Variants in GALNT14 observed in about 807,000 individuals in gnomAD.
The protein encoded by GALNT14 is polypeptide N-acetylgalactosaminyltransferase 14, also known as UDP-GalNAc:polypeptide N-acetylgalactosaminyltransferase 14.
In GALNT14, 60 loss-of-function variants were observed where a neutral mutation model predicts 77.5. The observed-to-expected ratio is 0.77, with a 90% CI of 0.63 to 0.96. The LOEUF (loss-of-function observed/expected upper bound fraction) is 0.96, where lower values mean the gene tolerates loss of function less well. Among genes scored for constraint, GALNT14 ranks in the 40% least tolerant of loss-of-function variants. The pLI is 0.00. For synonymous variants in GALNT14, 280 were observed against 281.7 expected (o/e 0.99, Z 0.06); for missense variants, 710 against 731.0 (o/e 0.97, Z 0.33).
chr2:31,101,322 T>A (rs1677263612), intron 1 of GALNT14, among the ~76,000 whole-genome samples: 1 of 152,122 alleles, frequency 6.6e-6, no homozygotes, highest in African/African-American at 2.4e-5. Flanking sequence ...ATCTTTGAAT[T>A]GATATTCATA....
At chr2:31,065,629 T>A (rs145469367) in intron 1 of GALNT14, among the ~76,000 whole-genome samples, 2 of 152,230 alleles carry the variant, frequency 1.3e-5, no homozygotes, top group Admixed American at 6.5e-5. Flanking sequence ...TCCTGCCTGG[T>A]CAACTTGATG....
intron 1 of GALNT14, among the ~76,000 whole-genome samples, chr2:31,010,580 A>G (rs1670967384): frequency 1.3e-5 from 2 of 152,118 alleles, no homozygotes; most frequent in African/African-American, 4.8e-5. Context: ...GCGCCACTGC[A>G]CTCCAGCCTG....
Position 30,945,785 on chromosome 2 carries a change from C to T in GALNT14, c.740G>A (p.Gly247Glu). The change falls in exon 7 of 15, where the codon GGG becomes GAG. Residue 247 changes from glycine (G) to glutamate (E), a missense_variant and splice_region_variant. Physicochemically the swap from Gly to Glu is moderately conservative, Grantham distance 98. Transcript: ENST00000349752. ...TYIESASELR[G>E]GFDWSLHFQW... Reference sequence around the variant, plus strand: ...GAGGAGGTGTTAGCCCAACTCACCCCCTCTGAGCTCCGAGGCAGACTCGAT... The same window carrying T: ...GAGGAGGTGTTAGCCCAACTCACCCTCTCTGAGCTCCGAGGCAGACTCGAT... 5 of 1,613,842 alleles carry T rather than the reference C, an allele frequency of 3.1e-6. No homozygotes were observed. The highest frequency in any genetic ancestry group is 4.2e-6 in the Non-Finnish European group (5 of 1,179,738).
intron 1 of GALNT14, among the ~76,000 whole-genome samples, chr2:30,993,346 C>T (rs1002163976): frequency 6.6e-6 from 1 of 152,132 alleles, no homozygotes; most frequent in South Asian, 2.1e-4. Flanking sequence ...GAGGTAAGTA[C>T]CTTGCCCAAG....
intron 1 of GALNT14, among the ~76,000 whole-genome samples, chr2:31,072,581 G>C (rs567144295): frequency 6.6e-6 from 1 of 152,014 alleles, no homozygotes; most frequent in South Asian, 2.1e-4. Context: ...TTACAACCTG[G>C]AACTCCTGCA....
chr2:31,114,670 A>G (rs1678010802), intron 1 of GALNT14: 2 of 683,916 alleles, frequency 2.9e-6, no homozygotes, highest in Non-Finnish European at 5.4e-6. Context: ...GTGAATAACA[A>G]TAATCCCAGA....
chr2:30,894,994 G>C, the GALNT14 span, among the ~76,000 whole-genome samples: 1 of 152,226 alleles, frequency 6.6e-6, no homozygotes. Context: ...CTGGGTCTGA[G>C]AGTTTTTCAT....
At chr2:31,029,696 A>G (rs188619195) in intron 1 of GALNT14, among the ~76,000 whole-genome samples, 55 of 152,272 alleles carry the variant, frequency 3.6e-4, no homozygotes, top group African/African-American at 1.3e-3. Flanking sequence ...ACAACACTCT[A>G]CATCCCAGAG....
intron 3 of GALNT14, among the ~76,000 whole-genome samples, chr2:30,965,346 G>A (rs532731362): frequency 5.9e-5 from 9 of 152,112 alleles, no homozygotes; most frequent in East Asian, 3.9e-4. Flanking sequence ...GAATATGTGC[G>A]CAGAGGAGCT....
At chr2:30,888,539 A>T in the GALNT14 span, among the ~76,000 whole-genome samples, 1 of 152,216 alleles carries the variant, frequency 6.6e-6, no homozygotes, top group African/African-American at 2.4e-5. Flanking sequence ...CTTATTAATA[A>T]TGTCTACAAA....
At chr2:30,978,257 G>A (rs76737371) in intron 2 of GALNT14, among the ~76,000 whole-genome samples, 3,477 of 152,252 alleles carry the variant, frequency 0.023, 146 homozygotes, top group East Asian at 0.21. Flanking sequence ...GTGCAGTTTC[G>A]CTGAAATCAC....
chr2:31,054,802 C>T (rs1238494292), intron 1 of GALNT14, among the ~76,000 whole-genome samples: 1 of 152,176 alleles, frequency 6.6e-6, no homozygotes, highest in East Asian at 1.9e-4. Context: ...CCATGCTAAT[C>T]AGAAACTGTA....
chr2:30,897,895 G>C, the GALNT14 span, among the ~76,000 whole-genome samples: 3 of 152,168 alleles, frequency 2.0e-5, no homozygotes, highest in African/African-American at 4.8e-5. Context: ...TGCTTGCAGG[G>C]TCTGAGTCTT....
At chr2:31,131,114 A>G (rs1388609964) in intron 1 of GALNT14, among the ~76,000 whole-genome samples, 1 of 152,124 alleles carries the variant, frequency 6.6e-6, no homozygotes, top group East Asian at 1.9e-4. Flanking sequence ...GAAGAGAGGA[A>G]TCTCAGTCAC....
chr2:31,123,079 G>A (rs866995791), intron 1 of GALNT14, among the ~76,000 whole-genome samples: 2 of 151,680 alleles, frequency 1.3e-5, no homozygotes, highest in Non-Finnish European at 2.9e-5. Flanking sequence ...CTACTCGGGA[G>A]GCTGAGGTAG....
the GALNT14 span, among the ~76,000 whole-genome samples, chr2:30,896,079 G>A: frequency 6.6e-6 from 1 of 152,126 alleles, no homozygotes; most frequent in Non-Finnish European, 1.5e-5. Flanking sequence ...ATATCTATCT[G>A]GAATACTGCT....
intron 1 of GALNT14, among the ~76,000 whole-genome samples, chr2:31,001,983 A>C (rs1670393671): frequency 6.6e-6 from 1 of 152,236 alleles, no homozygotes; most frequent in South Asian, 2.1e-4. Flanking sequence ...AAACAGGCCC[A>C]AGAAAATTGT....
chr2:31,029,351 C>G (rs990596743), intron 1 of GALNT14, among the ~76,000 whole-genome samples: 13 of 152,194 alleles, frequency 8.5e-5, no homozygotes, highest in Non-Finnish European at 1.5e-4. Flanking sequence ...ATGACGTCTG[C>G]AACCAACATC....
At chr2:31,049,221 C>G (rs1009726556) in intron 1 of GALNT14, among the ~76,000 whole-genome samples, 2 of 152,176 alleles carry the variant, frequency 1.3e-5, no homozygotes, top group Admixed American at 1.3e-4. Flanking sequence ...CTTGGACTCT[C>G]CTTCTCAGGG....
Sources: gnomAD v4.1 joint callset for allele counts (sites outside exome capture counted in the v4.1 genomes callset) on GRCh38, gnomAD v4.1.1 for gene constraint, MANE v1.5 for transcripts, NCBI Gene and HGNC (gene_info 2026-07-23, HGNC 2026-07-21) for gene names.